TBCK: variants seen among roughly 807,000 people sequenced by gnomAD.
The protein encoded by TBCK is TBC domain-containing protein kinase-like protein.
A neutral mutation model predicts 113.4 loss-of-function variants in TBCK; 99 were observed. The observed-to-expected ratio is 0.87, with a 90% CI of 0.74 to 1.03. The LOEUF is 1.03. TBCK is among the 50% of genes least tolerant of loss of function. The pLI, the probability that TBCK is intolerant of heterozygous loss-of-function variation, is 0.00. For missense variants in TBCK, 1,045 were observed against 1,061.3 expected, an observed-to-expected ratio of 0.98 and a Z score of 0.21; for synonymous variants, 369 against 370.8, an observed-to-expected ratio of 1.00 and a Z score of 0.05.
chr4:106,229,213 G>T (rs941203733), intron 19 of TBCK, among the ~76,000 whole-genome samples: 1 of 151,888 alleles, frequency 6.6e-6, no homozygotes, highest in Admixed American at 6.6e-5. Flanking sequence ...TAACTTTGTT[G>T]ATTGTCTCCT....
chr4:106,257,850 A>G (rs1402848849), intron 5 of TBCK, among the ~76,000 whole-genome samples: 1 of 152,080 alleles, frequency 6.6e-6, no homozygotes, highest in East Asian at 1.9e-4. Context: ...ATTAGTGAAT[A>G]TATAGACATT....
chr4:106,064,741 C>A (rs1356412453), intron 25 of TBCK, among the ~76,000 whole-genome samples: 1 of 151,950 alleles, frequency 6.6e-6, no homozygotes, highest in Non-Finnish European at 1.5e-5. Context: ...GACATTTACA[C>A]TTTTTCTTAA....
At chr4:106,214,326 G>A (rs1307953769) in intron 19 of TBCK, among the ~76,000 whole-genome samples, 1 of 152,186 alleles carries the variant, frequency 6.6e-6, no homozygotes, top group Non-Finnish European at 1.5e-5. Flanking sequence ...CTCCTCCAAA[G>A]GAACGCGGCT....
chr4:106,293,214 A>C (rs894434313), intron 3 of TBCK, among the ~76,000 whole-genome samples: 21 of 152,242 alleles, frequency 1.4e-4, no homozygotes, highest in African/African-American at 4.8e-4. Context: ...GAATATCCCA[A>C]GATTGGCACA....
intron 22 of TBCK, among the ~76,000 whole-genome samples, chr4:106,192,131 C>T (rs922846870): frequency 2.6e-5 from 4 of 152,046 alleles, no homozygotes; most frequent in Non-Finnish European, 4.4e-5. Flanking sequence ...ATAAAATACA[C>T]AGTTGCATGA....
intron 25 of TBCK, among the ~76,000 whole-genome samples, chr4:106,075,217 A>T (rs941451058): frequency 1.3e-5 from 2 of 152,218 alleles, no homozygotes; most frequent in African/African-American, 4.8e-5. Flanking sequence ...GTAAATATGT[A>T]AAGTTCTCTT....
chr4:106,168,371 A>AC lies in TBCK; in HGVS notation c.2235+2723dup, dbSNP rs1380816641. Among the ~76,000 whole-genome samples the AC allele has an allele frequency of 5.9e-5, 9 of 151,912 alleles. No homozygotes were observed. In the East Asian group the frequency reaches 1.7e-3, roughly 29 times the overall value. On this transcript the variant is annotated intron_variant, in intron 23 of 25. Coordinates refer to ENST00000394708, the MANE Select transcript of TBCK (RefSeq NM_001163435.3). ...CAACTTGTAAAAAACATCTACAAAA[A>AC]CCTACAGCTCACACAATACTTTCTG...
At chr4:106,093,152 C>T (rs1740503502) in intron 25 of TBCK, among the ~76,000 whole-genome samples, 2 of 152,204 alleles carry the variant, frequency 1.3e-5, no homozygotes, top group South Asian at 4.1e-4. Flanking sequence ...TATCCACTTG[C>T]ATACTTCTTT....
chr4:106,050,665 G>A (rs895677988), intron 25 of TBCK, among the ~76,000 whole-genome samples: 5 of 151,952 alleles, frequency 3.3e-5, no homozygotes, highest in African/African-American at 7.2e-5. Flanking sequence ...ATAAAAACTC[G>A]TGGGTTGCCA....
chr4:106,194,274 T>C (rs1753971495), intron 21 of TBCK, among the ~76,000 whole-genome samples: 1 of 152,074 alleles, frequency 6.6e-6, no homozygotes, highest in Non-Finnish European at 1.5e-5. Context: ...AAACCATATT[T>C]TATTAGTAAG....
Position 106,242,982 on chromosome 4 carries a change from G to A in TBCK, c.1071-413C>T, listed in dbSNP as rs548931355. 3.3e-5 allele frequency among the ~76,000 whole-genome samples: 5 copies of A among 150,680 alleles called. No homozygotes were observed. In the South Asian group the frequency reaches 6.3e-4, roughly 19 times the overall value. On this transcript the variant is annotated intron_variant, in intron 11 of 25. Transcript: ENST00000394708. ...GCGGTGTTTGGTTTTTTGTTCTTGCGATAGTTTACTGAGAATGATGATTTC... is the reference window on the plus strand; with the variant it reads ...GCGGTGTTTGGTTTTTTGTTCTTGCAATAGTTTACTGAGAATGATGATTTC...
intron 23 of TBCK, among the ~76,000 whole-genome samples, chr4:106,162,978 T>G (rs796291444): frequency 2.6e-5 from 4 of 152,298 alleles, no homozygotes; most frequent in African/African-American, 9.6e-5. Context: ...GGGTTTTTCT[T>G]TTCTTCACAT....
intron 23 of TBCK, among the ~76,000 whole-genome samples, chr4:106,118,864 G>A (rs1213521096): frequency 6.6e-6 from 1 of 152,068 alleles, no homozygotes; most frequent in Non-Finnish European, 1.5e-5. Flanking sequence ...TATATGAAAT[G>A]GTAAGAAGAG....
chr4:106,237,637 T>C, intron 12 of TBCK: 1 of 402,362 alleles, frequency 2.5e-6, no homozygotes, highest in Non-Finnish European at 5.0e-6. Flanking sequence ...ATTCCCAGAA[T>C]TTTTAAAGCT....
rs955986565 is a variant in TBCK at position 106,275,110 on chromosome 4, G to T, written c.267-12898C>A. 5.3e-5 allele frequency among the ~76,000 whole-genome samples: 8 copies of T among 152,142 alleles called. No individual in the cohort carries two copies. The South Asian group carries it at 1.0e-3, about 20-fold the overall frequency. ...TACCTGGATGACAGAGCAGGATCCTGTCACACATACACACAAAAAAAGAAT... is the reference window on the plus strand; with the variant it reads ...TACCTGGATGACAGAGCAGGATCCTTTCACACATACACACAAAAAAAGAAT... On this transcript the variant is annotated intron_variant, in intron 3 of 25. Coordinates refer to ENST00000394708, the MANE Select transcript of TBCK (RefSeq NM_001163435.3).
chr4:106,215,665 A>T (rs1756799217), intron 19 of TBCK, among the ~76,000 whole-genome samples: 1 of 152,172 alleles, frequency 6.6e-6, no homozygotes, highest in Non-Finnish European at 1.5e-5. Context: ...AGAAGAGCTA[A>T]CTATCCTAAA....
intron 22 of TBCK, among the ~76,000 whole-genome samples, chr4:106,187,974 T>G (rs1483965496): frequency 6.6e-6 from 1 of 152,184 alleles, no homozygotes; most frequent in Admixed American, 6.5e-5. Context: ...TTTCTAGGCA[T>G]AAAATCATAC....
rs754562222 is a variant in TBCK at position 106,308,843 on chromosome 4, C to T, written c.118G>A (p.Gly40Arg). The T allele has an allele frequency of 6.2e-7, 1 of 1,614,164 alleles. No individual in the cohort carries two copies. The highest frequency in any genetic ancestry group is 8.5e-7 in the Non-Finnish European group (1 of 1,180,022). Residue 40 changes from glycine to arginine, a missense_variant, in exon 2 of 26, where the codon GGG becomes AGG. Coordinates refer to ENST00000394708, the MANE Select transcript of TBCK (RefSeq NM_001163435.3). ...ATGGTTTTAAGGATTTGAAAGCGCC[C>T]TAAAATTTTGATGGAATTTGGTGTG... ...PLTPNSIKIL[G>R]RFQILKTITH...
intron 11 of TBCK, among the ~76,000 whole-genome samples, chr4:106,244,223 T>C (rs1007454305): frequency 2.6e-5 from 4 of 152,164 alleles, no homozygotes; most frequent in Non-Finnish European, 5.9e-5. Context: ...TTCATTTACA[T>C]TTACAAGTAT....
Sources: allele counts gnomAD v4.1 joint callset (sites outside exome capture counted in the v4.1 genomes callset), GRCh38; gene constraint gnomAD v4.1.1; transcripts MANE v1.5; gene names NCBI Gene and HGNC (gene_info 2026-07-23, HGNC 2026-07-21).